The following SNRK variants were observed in gnomAD, a reference collection of about 807,000 sequenced individuals.
SNRK encodes SNF-related serine/threonine-protein kinase.
In SNRK, 3 loss-of-function variants were observed where a neutral mutation model predicts 48.2. That is an observed-to-expected ratio of 0.06 (90% CI 0.03 to 0.16). The LOEUF (loss-of-function observed/expected upper bound fraction) is 0.16. Among genes scored for constraint, SNRK ranks in the 10% least tolerant of loss-of-function variants. The probability of loss-of-function intolerance (pLI) is 1.00; values close to 1 mark genes in which losing one functional copy is unlikely to be tolerated. For synonymous variants in SNRK, 376 were observed against 366.1 expected (o/e 1.03, Z -0.31); for missense variants, 627 against 976.0 (o/e 0.64, Z 4.76).
chr3:43,332,125 T>A (rs748313171), intron 3 of SNRK, 44 bp from the exon 4 acceptor site: 1 of 1,373,566 alleles, frequency 7.3e-7, no homozygotes, highest in African/African-American at 1.5e-5. Context: ...TGTTTTTGGT[T>A]TTCTAATTAG....
At chr3:43,311,541 A>G (rs376177266) in intron 3 of SNRK, among the ~76,000 whole-genome samples, 31 of 152,252 alleles carry the variant, frequency 2.0e-4, no homozygotes, top group African/African-American at 7.2e-4. Context: ...GGATAGGGGG[A>G]AAAAGGATCT....
intron 1 of SNRK, among the ~76,000 whole-genome samples, chr3:43,290,607 C>T (rs2125610842): frequency 6.6e-6 from 1 of 152,304 alleles, no homozygotes; most frequent in South Asian, 2.1e-4. Context: ...AAGTAATTTA[C>T]CTGGAGACAT....
intron 3 of SNRK, among the ~76,000 whole-genome samples, chr3:43,308,553 C>G (rs1253217776): frequency 6.6e-6 from 1 of 152,172 alleles, no homozygotes; most frequent in African/African-American, 2.4e-5. Flanking sequence ...ATAAATGGAA[C>G]AACAAAGCCT....
intron 5 of SNRK, chr3:43,340,799 C>T (rs1053977238): frequency 2.9e-6 from 1 of 348,144 alleles, no homozygotes; most frequent in African/African-American, 2.1e-5. Flanking sequence ...CAGTATGTAC[C>T]TTATCTGTGG....
At chr3:43,345,407 A>T (rs568270054) in intron 6 of SNRK, among the ~76,000 whole-genome samples, 28 of 152,182 alleles carry the variant, frequency 1.8e-4, no homozygotes, top group Non-Finnish European at 2.6e-4. Flanking sequence ...TGGAGGAAGA[A>T]GGGTCAGGCC....
chr3:43,317,300 T>A (rs17075553), intron 3 of SNRK, among the ~76,000 whole-genome samples: 85 of 152,236 alleles, frequency 5.6e-4, no homozygotes, highest in Non-Finnish European at 1.1e-3. Flanking sequence ...CTACCACAGT[T>A]CTCTGATGTG....
chr3:43,341,144 T>G (rs746404161), intron 5 of SNRK, among the ~76,000 whole-genome samples: 5 of 151,818 alleles, frequency 3.3e-5, no homozygotes, highest in African/African-American at 9.7e-5. Flanking sequence ...AGCCAGTTGT[T>G]TTTTTGTTTT....
rs758310312 is a variant in SNRK at position 43,340,177 on chromosome 3, C to T, written c.732-110C>T. 5.8e-4 allele frequency: 484 copies of T among 841,270 alleles called. 1 individual carries two copies. The highest frequency in any genetic ancestry group is 7.2e-4 in the Non-Finnish European group (361 of 503,206). The allele number at this position is 841,270 out of a possible 1,614,324, so 52.1% of individuals were successfully genotyped here. On this transcript the variant is annotated intron_variant, in intron 4 of 6. Coordinates refer to ENST00000296088, the MANE Select transcript of SNRK (RefSeq NM_017719.5). The stretch of plus-strand genomic sequence containing the variant: ...ATCTGCCCCACTGCCACCACTAGTG[C>T]ACCTAATTTAATTGATGGTATAGGA...
intron 4 of SNRK, among the ~76,000 whole-genome samples, chr3:43,337,644 G>C (rs959966034): frequency 2.6e-5 from 4 of 152,036 alleles, no homozygotes; most frequent in African/African-American, 7.2e-5. Flanking sequence ...AATTTATAGA[G>C]GAAAGAGATT....
At chr3:43,300,156 T>C (rs942931581) in intron 2 of SNRK, among the ~76,000 whole-genome samples, 5 of 152,154 alleles carry the variant, frequency 3.3e-5, no homozygotes, top group African/African-American at 1.2e-4. Context: ...AGAGTGATTG[T>C]TTCACTATAG....
At chr3:43,316,514 A>G (rs1462978613) in intron 3 of SNRK, among the ~76,000 whole-genome samples, 2 of 152,230 alleles carry the variant, frequency 1.3e-5, no homozygotes, top group Non-Finnish European at 2.9e-5. Context: ...ACATTAGTGG[A>G]AAAAGATATT....
At chr3:43,306,385 T>G (rs1349320046) in intron 3 of SNRK, among the ~76,000 whole-genome samples, 1 of 152,132 alleles carries the variant, frequency 6.6e-6, no homozygotes, top group African/African-American at 2.4e-5. Context: ...TAAAAAAACT[T>G]TGGTTCTTTT....
intron 3 of SNRK, among the ~76,000 whole-genome samples, chr3:43,318,780 C>T (rs2091031675): frequency 6.6e-6 from 1 of 151,990 alleles, no homozygotes; most frequent in Non-Finnish European, 1.5e-5. Context: ...AATCGCAGCA[C>T]TTTGGGAGGC....
intron 1 of SNRK, among the ~76,000 whole-genome samples, chr3:43,288,065 G>A (rs1290393363): frequency 1.3e-5 from 2 of 152,144 alleles, no homozygotes; most frequent in East Asian, 3.8e-4. Flanking sequence ...GTCCTTGAGA[G>A]GAGAACAGGT....
intron 3 of SNRK, among the ~76,000 whole-genome samples, chr3:43,306,442 TAGCTG>T (rs1283178814): frequency 6.6e-6 from 1 of 152,154 alleles, no homozygotes; most frequent in African/African-American, 2.4e-5. Context: ...CATTGAGACT[TAGCTG>T]AGGAATTGTC....
intron 3 of SNRK, among the ~76,000 whole-genome samples, chr3:43,314,495 A>C (rs2091000978): frequency 6.6e-6 from 1 of 152,188 alleles, no homozygotes; most frequent in African/African-American, 2.4e-5. Context: ...ATTCAAGCCA[A>C]GAGTTGTACT....
intron 1 of SNRK, among the ~76,000 whole-genome samples, chr3:43,298,937 G>A (rs1022494636): frequency 3.9e-5 from 6 of 152,148 alleles, no homozygotes; most frequent in African/African-American, 1.4e-4. Context: ...AGGACAGTGT[G>A]TTGTAAAGCT....
At chr3:43,316,418 T>G (rs1575543895) in intron 3 of SNRK, among the ~76,000 whole-genome samples, 1 of 152,074 alleles carries the variant, frequency 6.6e-6, no homozygotes, top group Admixed American at 6.5e-5. Flanking sequence ...TGGCTTAGGG[T>G]CATATTCAGA....
chr3:43,300,254 G>A (rs1420113985), intron 2 of SNRK, among the ~76,000 whole-genome samples: 4 of 151,968 alleles, frequency 2.6e-5, no homozygotes, highest in Non-Finnish European at 5.9e-5. Context: ...GTGCCCTCTT[G>A]CTGGCAAAGG....
Sources: gnomAD v4.1 joint callset for allele counts (sites outside exome capture counted in the v4.1 genomes callset) on GRCh38, gnomAD v4.1.1 for gene constraint, MANE v1.5 for transcripts, NCBI Gene and HGNC (gene_info 2026-07-23, HGNC 2026-07-21) for gene names.